The following MDM1 variants were observed in gnomAD, a reference collection of about 807,000 sequenced individuals.
MDM1 encodes the protein Mdm1 nuclear protein.
Under a neutral mutation model 89.1 loss-of-function variants are expected in MDM1, and 61 were observed. The observed-to-expected ratio is 0.68, with a 90% CI of 0.56 to 0.85. The LOEUF is 0.85. Among genes scored for constraint, MDM1 ranks in the 40% least tolerant of loss-of-function variants. The probability of loss-of-function intolerance (pLI) is 0.00; values close to 1 mark genes in which losing one functional copy is unlikely to be tolerated. For synonymous variants in MDM1, 290 were observed against 294.1 expected (o/e 0.99, Z 0.14); for missense variants, 820 against 846.5 (o/e 0.97, Z 0.39).
Position 68,302,741 on chromosome 12 carries a change from T to C in MDM1, c.1881A>G (p.Lys627=), listed in dbSNP as rs775848144. ...KFAEATLPVS[K]IPKYPTNPPG... ...GGGGATTTGTTGGGTATTTTGGAATTTTTGAAACTGGAAGAGTTGCCTCAG... is the reference window on the plus strand; with the variant it reads ...GGGGATTTGTTGGGTATTTTGGAATCTTTGAAACTGGAAGAGTTGCCTCAG... The change falls in exon 13 of 15, where the codon AAA becomes AAG. Residue 627 remains lysine, a synonymous_variant. Transcript: ENST00000682720. The C allele has an allele frequency of 6.2e-7, 1 of 1,614,100 alleles. No homozygotes were observed. The highest frequency in any genetic ancestry group is 8.5e-7 in the Non-Finnish European group (1 of 1,180,020).
rs1218651098 is a variant in MDM1, at chr12:68,325,447, G to C, written c.627C>G (p.Ala209=). The change falls in exon 4 of 15, where the codon GCC becomes GCG. Residue 209 remains alanine, a synonymous_variant. Coordinates refer to ENST00000682720, the MANE Select transcript of MDM1 (RefSeq NM_001354969.2). ...TSKETAPAFA[A]NQVFHNKSQF... ...ATTACATCCATTAAGCTACCTGATT[G>C]GCTGCAAAAGCTGGAGCAGTTTCTT... The C allele has an allele frequency of 6.4e-7, 1 of 1,569,172 alleles. No individual in the cohort carries two copies. The highest frequency in any genetic ancestry group is 1.4e-5 in the African/African-American group (1 of 72,870).
At chr12:68,298,503 G>A (rs114453327) in intron 13 of MDM1, among the ~76,000 whole-genome samples, 1,587 of 152,224 alleles carry the variant, frequency 0.01, 26 homozygotes, top group African/African-American at 0.036. Flanking sequence ...AGACACAGCT[G>A]GGACTTCTCC....
At position 68,323,275 on chromosome 12, in the gene MDM1, G is replaced by A. The variant is rs748055995; in HGVS notation, c.634-35C>T. The A allele has an allele frequency of 3.8e-5, 56 of 1,462,580 alleles. No homozygotes were observed. In the South Asian group the frequency reaches 7.2e-4, roughly 19 times the overall value. 90.6% of individuals were successfully genotyped at this position (1,462,580 alleles called of 1,614,324 possible). On this transcript the variant is annotated intron_variant, in intron 4 of 14. Transcript: ENST00000682720. ...AAAATTATTTTAGTTTAGTTTTGTT[G>A]ATTAAATATGCGGAACTTTGGTCTT...
intron 13 of MDM1, among the ~76,000 whole-genome samples, chr12:68,297,749 A>C (rs916600207): frequency 4.6e-5 from 7 of 152,248 alleles, no homozygotes; most frequent in African/African-American, 1.7e-4. Flanking sequence ...AATGTATTCA[A>C]AACAGAGGCA....
Position 68,313,498 on chromosome 12 carries a change from C to G in MDM1, c.1694G>C (p.Arg565Thr), listed in dbSNP as rs1455944236. Reference sequence around the variant, plus strand: ...ACAATCCTGAGAGGTCATTCTTTTCCTCTGTTCTGGGGCTGGAGGCTTCAT... The same window carrying G: ...ACAATCCTGAGAGGTCATTCTTTTCGTCTGTTCTGGGGCTGGAGGCTTCAT... ...SKMKPPAPEQ[R>T]KRMTSQDCLE... Residue 565 changes from arginine to threonine, a missense_variant, in exon 12 of 15, where the codon AGG becomes ACG. Transcript: ENST00000682720. 6.2e-7 allele frequency: 1 copy of G among 1,613,968 alleles called. No individual in the cohort carries two copies. Among genetic ancestry groups the G allele is most frequent in the East Asian group, 2.2e-5 (1 of 44,878 alleles).
chr12:68,319,511 A>AG (rs1874941499), intron 7 of MDM1, among the ~76,000 whole-genome samples: 3 of 152,236 alleles, frequency 2.0e-5, no homozygotes, highest in African/African-American at 7.2e-5. Flanking sequence ...GGGAAAATGA[A>AG]GGAGTACTGT....
intron 5 of MDM1, among the ~76,000 whole-genome samples, chr12:68,322,273 T>C (rs144551801): frequency 6.6e-6 from 1 of 152,346 alleles, no homozygotes; most frequent in Non-Finnish European, 1.5e-5. Context: ...CAGTTGTTTG[T>C]ATATTCTGAG....
At chr12:68,314,874 C>T in intron 10 of MDM1, 74 bp downstream of exon 10, 2 of 1,267,388 alleles carry the variant, frequency 1.6e-6, no homozygotes, top group Non-Finnish European at 2.2e-6. Context: ...GAGTAAACCA[C>T]TATATTTAGT....
rs138314442 is a variant in MDM1 at position 68,325,464 on chromosome 12, C to G, written c.610G>C (p.Ala204Pro). 1.2e-4 allele frequency: 185 copies of G among 1,583,616 alleles called. No homozygotes were observed. Among genetic ancestry groups the G allele is most frequent in the Non-Finnish European group, 1.5e-4 (173 of 1,167,072 alleles). Residue 204 changes from alanine to proline, a missense_variant, in exon 4 of 15, where the codon GCT (alanine) becomes CCT (proline). Physicochemically the swap from Ala to Pro is conservative, Grantham distance 27. Coordinates refer to ENST00000682720, the MANE Select transcript of MDM1 (RefSeq NM_001354969.2). ...QFVWKTSKET[A>P]PAFAANQVFH... is the part of the protein sequence containing the mutation. ...ACCTGATTGGCTGCAAAAGCTGGAG[C>G]AGTTTCTTTAGAAGTCTTCCAAACA...
At chr12:68,315,310 C>G (rs746130129) in intron 9 of MDM1, 45 bp from the exon 10 acceptor site, 14 of 1,550,762 alleles carry the variant, frequency 9.0e-6, no homozygotes, top group Non-Finnish European at 1.2e-5. Context: ...ATAGTTTGCA[C>G]TTTTCTAATC....
At chr12:68,309,166 T>C (rs1402965435) in intron 12 of MDM1, among the ~76,000 whole-genome samples, 1 of 152,192 alleles carries the variant, frequency 6.6e-6, no homozygotes, top group Non-Finnish European at 1.5e-5. Context: ...TGTTGCCATG[T>C]TTTCCAGCCT....
chr12:68,314,861 A>G, intron 10 of MDM1, 87 bp downstream of exon 10: 3 of 1,158,280 alleles, frequency 2.6e-6, no homozygotes, highest in Non-Finnish European at 3.7e-6. Context: ...CATAAAATCA[A>G]AAGAGTAAAC....
chr12:68,313,081 G>A (rs564019199), intron 12 of MDM1, among the ~76,000 whole-genome samples: 30 of 152,268 alleles, frequency 2.0e-4, no homozygotes, highest in South Asian at 6.2e-4. Context: ...CCACTAGAAT[G>A]TAAGTTCAAT....
rs1876985984 is a variant in MDM1 at position 68,332,346 on chromosome 12, G to C, written c.-101C>G. The C allele has an allele frequency of 7.9e-6, 11 of 1,395,084 alleles. No individual in the cohort carries two copies. The highest frequency in any genetic ancestry group is 1.1e-5 in the Non-Finnish European group (11 of 1,045,612). The allele number at this position is 1,395,084 out of a possible 1,614,324, so 86.4% of individuals were successfully genotyped here. A position where few individuals can be genotyped will look rare whatever the true frequency, so the allele number is the denominator to read the frequency against. On this transcript the variant is annotated 5_prime_UTR_variant, in exon 1 of 15. Coordinates refer to ENST00000682720, the MANE Select transcript of MDM1 (RefSeq NM_001354969.2). ...GTGTTCCCTAGCAAAGCCTCGGCCC[G>C]GCGTCCCCGACTACGCGCCGGCGCA...
At chr12:68,300,781 A>G (rs1801110069) in intron 13 of MDM1, among the ~76,000 whole-genome samples, 1 of 152,230 alleles carries the variant, frequency 6.6e-6, no homozygotes, top group South Asian at 2.1e-4. Flanking sequence ...CGAAGAAACA[A>G]TGGACTTAAA....
At chr12:68,327,998 T>A (rs893948523) in intron 2 of MDM1, among the ~76,000 whole-genome samples, 1 of 152,222 alleles carries the variant, frequency 6.6e-6, no homozygotes. Flanking sequence ...GAGCTGCATC[T>A]GCCATCTGCA....
At chr12:68,325,344 T>C (rs946252004) in intron 4 of MDM1, 97 bp downstream of exon 4, 5 of 1,387,862 alleles carry the variant, frequency 3.6e-6, no homozygotes, top group Non-Finnish European at 4.7e-6. Context: ...TCCAGGCTAC[T>C]TAAGTACTTA....
At chr12:68,302,943 T>C (rs1234995732) in intron 12 of MDM1, 71 bp from the exon 13 acceptor site, 28 of 1,363,110 alleles carry the variant, frequency 2.1e-5, no homozygotes, top group Non-Finnish European at 2.6e-5. Context: ...GCCAAACATT[T>C]AAATGCAAAA....
intron 8 of MDM1, 88 bp downstream of exon 8, chr12:68,316,493 G>C: frequency 8.7e-7 from 1 of 1,152,428 alleles, no homozygotes; most frequent in Non-Finnish European, 1.2e-6. Flanking sequence ...TAGCAGCTAA[G>C]AAAAATATTG....
Sources: allele counts gnomAD v4.1 joint callset (sites outside exome capture counted in the v4.1 genomes callset), GRCh38; gene constraint gnomAD v4.1.1; transcripts MANE v1.5; gene names NCBI Gene and HGNC (gene_info 2026-07-23, HGNC 2026-07-21).